CCT4: variants seen among roughly 807,000 people sequenced by gnomAD.
The protein encoded by CCT4 is chaperonin containing TCP1 subunit 4, also known as T-complex protein 1 subunit delta.
CCT4 carries 17 observed loss-of-function variants against 62.5 expected under a neutral mutation model. The ratio of observed to expected loss-of-function variants is 0.27; its 90% CI spans 0.19 to 0.41. The LOEUF (loss-of-function observed/expected upper bound fraction) is 0.41. Ranked by LOEUF, CCT4 falls within the 10% of genes least tolerant of loss-of-function variation. The probability of loss-of-function intolerance (pLI) is 1.00; values close to 1 mark genes in which losing one functional copy is unlikely to be tolerated. For missense variants in CCT4, 592 were observed against 659.2 expected (o/e 0.90, Z 1.12); for synonymous variants, 250 against 229.9 (o/e 1.09, Z -0.79).
intron 8 of CCT4, among the ~76,000 whole-genome samples, chr2:61,875,103 T>C (rs908584643): frequency 6.7e-6 from 1 of 149,608 alleles, no homozygotes; most frequent in African/African-American, 2.5e-5. Flanking sequence ...GATCGCACCA[T>C]TGATTCCAGC....
chr2:61,888,643 C>T lies in CCT4; in HGVS notation c.-136G>A, dbSNP rs533334223. On this transcript the variant is annotated 5_prime_UTR_variant, in exon 1 of 14. Coordinates refer to ENST00000394440, the MANE Select transcript of CCT4 (RefSeq NM_006430.4). Reference sequence around the variant, plus strand: ...AAGCGGCGCCGGCGTCGGGAGGAGGCGGAGGCGGAGAAGGGGGCCTTCCTT... The same window carrying T: ...AAGCGGCGCCGGCGTCGGGAGGAGGTGGAGGCGGAGAAGGGGGCCTTCCTT... The T allele has an allele frequency of 8.4e-5, 88 of 1,048,852 alleles. No homozygotes were observed. The highest frequency in any genetic ancestry group is 5.7e-4 in the Admixed American group (19 of 33,142). 65.0% of individuals were successfully genotyped at this position (1,048,852 alleles called of 1,614,324 possible).
At chr2:61,872,800 G>A (rs1470660792) in intron 10 of CCT4, among the ~76,000 whole-genome samples, 3 of 152,140 alleles carry the variant, frequency 2.0e-5, no homozygotes, top group African/African-American at 4.8e-5. Flanking sequence ...GGTGGCAGGC[G>A]CCTGTAGTCC....
chr2:61,882,964 G>T (rs1669151086), intron 3 of CCT4, among the ~76,000 whole-genome samples: 1 of 152,044 alleles, frequency 6.6e-6, no homozygotes, highest in African/African-American at 2.4e-5. Context: ...CACTATGCCT[G>T]GCTTGATTTG....
At chr2:61,877,121 C>T (rs934502051) in intron 6 of CCT4, 69 bp from the exon 7 acceptor site, 8 of 1,381,464 alleles carry the variant, frequency 5.8e-6, no homozygotes, top group African/African-American at 2.9e-5. Context: ...AATAGATGAA[C>T]AGATTAAAAG....
intron 3 of CCT4, among the ~76,000 whole-genome samples, chr2:61,882,105 G>C (rs756866687): frequency 6.6e-6 from 1 of 151,884 alleles, no homozygotes; most frequent in African/African-American, 2.4e-5. Context: ...GCTGATTTTT[G>C]TATTTTTAGT....
At position 61,873,308 on chromosome 2, in the gene CCT4, C is replaced by A; in HGVS notation, c.918-15G>T. The A allele has an allele frequency of 1.4e-6, 2 of 1,401,986 alleles. No homozygotes were observed. Among genetic ancestry groups the A allele is most frequent in the South Asian group, 2.3e-5 (2 of 85,400 alleles). 86.8% of individuals were successfully genotyped at this position (1,401,986 alleles called of 1,614,324 possible). A position where few individuals can be genotyped will look rare whatever the true frequency, so the allele number is the denominator to read the frequency against. ...TAAGAGCATCTCTAAAATACAAAAT[C>A]AGTGATTATGTCAATGCTAGATTAA... is the stretch of plus-strand genomic sequence containing the variant. On this transcript the variant is annotated splice_polypyrimidine_tract_variant and intron_variant, in intron 8 of 13. Coordinates refer to ENST00000394440, the MANE Select transcript of CCT4 (RefSeq NM_006430.4).
At chr2:61,869,405 C>A (rs943773993) in intron 13 of CCT4, 35 bp downstream of exon 13, 12 of 1,136,930 alleles carry the variant, frequency 1.1e-5, no homozygotes, top group Non-Finnish European at 1.6e-5. Flanking sequence ...GCCTTTTTGA[C>A]CTCCTAAGAA....
chr2:61,876,890 G>C (rs773852067), intron 7 of CCT4, 30 bp downstream of exon 7: 2 of 1,568,118 alleles, frequency 1.3e-6, no homozygotes, highest in South Asian at 2.4e-5. Context: ...GTTAAACACA[G>C]AGAACCAATT....
chr2:61,873,567 TA>T (rs1668931233), intron 8 of CCT4, among the ~76,000 whole-genome samples: 1 of 151,968 alleles, frequency 6.6e-6, no homozygotes, highest in Non-Finnish European at 1.5e-5. Context: ...TTTATTTATT[TA>T]TTTTTATTTT....
intron 12 of CCT4, among the ~76,000 whole-genome samples, chr2:61,871,188 C>T (rs1340083511): frequency 1.3e-5 from 2 of 151,964 alleles, no homozygotes; most frequent in African/African-American, 2.4e-5. Flanking sequence ...TCCGCCACTT[C>T]GCCTGGCTAA....
chr2:61,881,256 AT>A (rs1388437298), intron 3 of CCT4, among the ~76,000 whole-genome samples: 8 of 152,170 alleles, frequency 5.3e-5, no homozygotes, highest in African/African-American at 1.9e-4. Context: ...TCCTATAATA[AT>A]CATTTTTTTC....
In CCT4 at chr2:61,876,230, T is replaced by C; in HGVS notation, c.782A>G (p.Asp261Gly). The C allele has an allele frequency of 6.3e-7, 1 of 1,592,358 alleles. No individual in the cohort carries two copies. The change falls in exon 8 of 14, where the codon GAT becomes GGT. Residue 261 changes from aspartate (D) to glycine (G), a missense_variant. Coordinates refer to ENST00000394440, the MANE Select transcript of CCT4 (RefSeq NM_006430.4). The part of the protein sequence containing the change: ...FCLSAPKTDM[D>G]NQIVVSDYAQ... Reference sequence around the variant, plus strand: ...ATAGTCAGAAACCACTATTTGATTATCCATCTGTTCAGAAAAAGAACATCA... The same window carrying C: ...ATAGTCAGAAACCACTATTTGATTACCCATCTGTTCAGAAAAAGAACATCA...
chr2:61,873,754 C>T lies in CCT4; in HGVS notation c.918-461G>A, dbSNP rs563904276. On this transcript the variant is annotated intron_variant, in intron 8 of 13. Coordinates refer to ENST00000394440, the MANE Select transcript of CCT4 (RefSeq NM_006430.4). ...CTAATTTTTGTATTTTTAGTAGAGACGGGGTTTCACCATGTTGGCCACGCT... is the reference window on the plus strand; with the variant it reads ...CTAATTTTTGTATTTTTAGTAGAGATGGGGTTTCACCATGTTGGCCACGCT... Among the ~76,000 whole-genome samples, 15 of 152,184 alleles carry T rather than the reference C, an allele frequency of 9.9e-5. No individual in the cohort carries two copies. In the South Asian group the frequency reaches 1.7e-3, roughly 17 times the overall value.
intron 12 of CCT4, among the ~76,000 whole-genome samples, chr2:61,871,831 G>A (rs1297570761): frequency 3.3e-5 from 5 of 152,280 alleles, no homozygotes; most frequent in Admixed American, 2.6e-4. Flanking sequence ...AGGAAACTGA[G>A]GAACAGACTA....
In CCT4 at chr2:61,888,628, G is replaced by T; in HGVS notation, c.-121C>A. 8.2e-7 allele frequency: 1 copy of T among 1,226,346 alleles called. No homozygotes were observed. Among genetic ancestry groups the T allele is most frequent in the Non-Finnish European group, 1.1e-6 (1 of 909,606 alleles). The allele number at this position is 1,226,346 out of a possible 1,614,324, so 76.0% of individuals were successfully genotyped here. A position where few individuals can be genotyped will look rare whatever the true frequency, so the allele number is the denominator to read the frequency against. ...CACGAACCTTCCAGAAAGCGGCGCC[G>T]GCGTCGGGAGGAGGCGGAGGCGGAG... is the stretch of plus-strand genomic sequence containing the variant. On this transcript the variant is annotated 5_prime_UTR_variant, in exon 1 of 14. Coordinates refer to ENST00000394440, the MANE Select transcript of CCT4 (RefSeq NM_006430.4).
chr2:61,869,999 T>C (rs1473304345), intron 12 of CCT4, among the ~76,000 whole-genome samples: 1 of 149,312 alleles, frequency 6.7e-6, no homozygotes, highest in Admixed American at 6.7e-5. Context: ...ATATCTTGGC[T>C]AGGTGCGGTG....
At chr2:61,876,303 GAA>G in intron 7 of CCT4, 69 bp from the exon 8 acceptor site, 1 of 1,187,398 alleles carries the variant, frequency 8.4e-7, no homozygotes, top group Non-Finnish European at 1.2e-6. Context: ...AATTTTAAGC[GAA>G]AATACTATGT....
chr2:61,877,177 C>A (rs1222074746), intron 6 of CCT4, 125 bp from the exon 7 acceptor site: 6 of 960,820 alleles, frequency 6.2e-6, no homozygotes, highest in Non-Finnish European at 7.7e-6. Flanking sequence ...TTATTATTGC[C>A]CCACTCCTGG....
chr2:61,877,337 G>C, intron 6 of CCT4, 56 bp downstream of exon 6: 1 of 1,516,958 alleles, frequency 6.6e-7, no homozygotes, highest in South Asian at 1.2e-5. Flanking sequence ...ATTTATTTTT[G>C]GCAATCTGAT....
Sources: allele counts gnomAD v4.1 joint callset (sites outside exome capture counted in the v4.1 genomes callset), GRCh38; gene constraint gnomAD v4.1.1; transcripts MANE v1.5; gene names NCBI Gene and HGNC (gene_info 2026-07-23, HGNC 2026-07-21).